The following NIPBL variants were observed in gnomAD, a reference collection of about 807,000 sequenced individuals.
The protein encoded by NIPBL is nipped-B-like protein.
Under a neutral mutation model 321.8 loss-of-function variants are expected in NIPBL, and 19 were observed. The ratio of observed to expected loss-of-function variants is 0.06; its 90% CI spans 0.04 to 0.09. The LOEUF (loss-of-function observed/expected upper bound fraction) is 0.09, where lower values mean the gene tolerates loss of function less well. Among genes scored for constraint, NIPBL ranks in the 10% least tolerant of loss-of-function variants. The pLI is 1.00. For synonymous variants in NIPBL, 1,106 were observed against 1,114.1 expected, an observed-to-expected ratio of 0.99 and a Z score of 0.14; for missense variants, 2,210 against 3,327.0, an observed-to-expected ratio of 0.66 and a Z score of 8.26.
At chr5:36,977,334 T>A (rs1344246250) in intron 9 of NIPBL, among the ~76,000 whole-genome samples, 1 of 152,020 alleles carries the variant, frequency 6.6e-6, no homozygotes, top group Non-Finnish European at 1.5e-5. Context: ...TGGGTAGAGC[T>A]GATTTTTATA....
intron 34 of NIPBL, among the ~76,000 whole-genome samples, chr5:37,041,244 A>G (rs374101461): frequency 2.0e-5 from 1 of 50,078 alleles, no homozygotes; most frequent in African/African-American, 9.1e-5. Flanking sequence ...TTTTGTTGTT[A>G]TGTGGTGGTT....
rs1175081527 is a variant in NIPBL, at chr5:37,002,359, ACT to A, written c.3665-300_3665-299del. On this transcript the variant is annotated intron_variant, in intron 14 of 46. Transcript: ENST00000282516. ...AAACAAAAGCCAGAGGGCATGGGAG[ACT>A]CTTGATGTAGTCCATTCAGGTCAGC... Among the ~76,000 whole-genome samples the A allele has an allele frequency of 2.6e-5, 4 of 152,046 alleles. No homozygotes were observed. The East Asian group carries it at 7.7e-4, about 29-fold the overall frequency.
intron 9 of NIPBL, among the ~76,000 whole-genome samples, chr5:36,983,427 G>T (rs1744370803): frequency 6.6e-6 from 1 of 151,726 alleles, no homozygotes; most frequent in African/African-American, 2.4e-5. Context: ...TATAGAAGAA[G>T]CATTACCATT....
At chr5:37,022,875 A>G (rs1749810458) in intron 29 of NIPBL, among the ~76,000 whole-genome samples, 1 of 152,236 alleles carries the variant, frequency 6.6e-6, no homozygotes, top group African/African-American at 2.4e-5. Context: ...AGTTAAGCCC[A>G]AAAGTCCATT....
chr5:36,977,562 T>A (rs936811166), intron 9 of NIPBL, among the ~76,000 whole-genome samples: 2 of 151,526 alleles, frequency 1.3e-5, no homozygotes, highest in Non-Finnish European at 1.5e-5. Context: ...CTAGAAGTCT[T>A]CATTTTACTG....
intron 1 of NIPBL, among the ~76,000 whole-genome samples, chr5:36,936,571 T>C (rs1226623750): frequency 6.6e-6 from 1 of 152,158 alleles, no homozygotes; most frequent in Non-Finnish European, 1.5e-5. Flanking sequence ...AGAACGTTTG[T>C]CCCTGTCATT....
chr5:36,993,091 A>G (rs1214822835), intron 10 of NIPBL, among the ~76,000 whole-genome samples: 1 of 152,158 alleles, frequency 6.6e-6, no homozygotes, highest in East Asian at 1.9e-4. Flanking sequence ...TCCATTTATA[A>G]AGAGCTTCAT....
Position 36,905,083 on chromosome 5 carries a change from AGGTT to A in NIPBL, c.-80+27930_-80+27933del, listed in dbSNP as rs58066881. On this transcript the variant is annotated intron_variant, in intron 1 of 46. Coordinates refer to ENST00000282516, the MANE Select transcript of NIPBL (RefSeq NM_133433.4). ...AAAAACAAGTACAGGAAGCAAGTTGAGGTTGGTTGGTTGGTTGGTTGGTTGGTTT... is the reference window on the plus strand; with the variant it reads ...AAAAACAAGTACAGGAAGCAAGTTGAGGTTGGTTGGTTGGTTGGTTGGTTT... Among the ~76,000 whole-genome samples the A allele has an allele frequency of 7.6e-3, 1,162 of 152,194 alleles. 11 individuals carry two copies. Among genetic ancestry groups the A allele is most frequent in the Non-Finnish European group, 0.012 (848 of 68,000 alleles).
At position 36,998,002 on chromosome 5, in the gene NIPBL, G is replaced by A. The variant is rs377174821; in HGVS notation, c.3304+2198G>A. ...TGTTGAAGGATAATTTTGAAAGTTG[G>A]GGTACACAGATTTGGATGGCCATAG... On this transcript the variant is annotated intron_variant, in intron 11 of 46. Coordinates refer to ENST00000282516, the MANE Select transcript of NIPBL (RefSeq NM_133433.4). 2.6e-4 allele frequency among the ~76,000 whole-genome samples: 40 copies of A among 152,226 alleles called. 2 individuals are homozygous for A. In the South Asian group the frequency reaches 8.1e-3, roughly 31 times the overall value.
intron 8 of NIPBL, among the ~76,000 whole-genome samples, chr5:36,973,330 T>C (rs931226984): frequency 1.3e-5 from 2 of 152,032 alleles, no homozygotes; most frequent in African/African-American, 4.8e-5. Context: ...TTTCTTTTTT[T>C]TTTTCAAAAA....
intron 1 of NIPBL, among the ~76,000 whole-genome samples, chr5:36,916,282 GTTAC>G (rs1325424130): frequency 2.5e-4 from 38 of 152,268 alleles, no homozygotes; most frequent in East Asian, 3.9e-4. Context: ...TATTTTCACA[GTTAC>G]TTACTAACTT....
At chr5:36,981,313 A>G (rs1022243179) in intron 9 of NIPBL, among the ~76,000 whole-genome samples, 5 of 151,712 alleles carry the variant, frequency 3.3e-5, no homozygotes, top group Non-Finnish European at 5.9e-5. Context: ...ACAAATGTAG[A>G]ATATTTGTGG....
rs185258396 is a variant in NIPBL, at chr5:36,961,683, G to C, written c.458+100G>C. On this transcript the variant is annotated intron_variant, in intron 5 of 46. Coordinates refer to ENST00000282516, the MANE Select transcript of NIPBL (RefSeq NM_133433.4). ...TTTAGGTAATGGTGGATTATTTAGA[G>C]TTTAAATAGTTGAAATACTTAAATA... 1.6e-4 allele frequency: 131 copies of C among 844,270 alleles called. 1 individual carries two copies. In the African/African-American group the frequency reaches 2.2e-3, roughly 14 times the overall value. 52.3% of individuals were successfully genotyped at this position (844,270 alleles called of 1,614,324 possible).
intron 34 of NIPBL, 56 bp from the exon 35 acceptor site, chr5:37,044,291 A>G (rs1225441080): frequency 4.6e-6 from 7 of 1,509,922 alleles, no homozygotes; most frequent in Non-Finnish European, 5.5e-6. Flanking sequence ...GTAAAGCTGT[A>G]TATAGTTTCT....
rs532147851 is a variant in NIPBL at position 37,010,279 on chromosome 5, A to G, written c.4560+54A>G. 38 of 1,326,786 alleles carry G rather than the reference A, an allele frequency of 2.9e-5. No individual in the cohort carries two copies. The Admixed American group carries it at 3.8e-4, about 13-fold the overall frequency. 82.2% of individuals were successfully genotyped at this position (1,326,786 alleles called of 1,614,324 possible). On this transcript the variant is annotated intron_variant, in intron 21 of 46. Coordinates refer to ENST00000282516, the MANE Select transcript of NIPBL (RefSeq NM_133433.4). ...TGTACTTTTATTGAAGGAAATACCT[A>G]TATTCTCTGTCATTCTTATAAAACT...
At chr5:37,047,119 A>G (rs1467555838) in intron 38 of NIPBL, among the ~76,000 whole-genome samples, 1 of 152,228 alleles carries the variant, frequency 6.6e-6, no homozygotes, top group East Asian at 1.9e-4. Flanking sequence ...ACGAGAGGAT[A>G]TGAGTAGATT....
At chr5:36,941,327 T>G (rs951231662) in intron 1 of NIPBL, among the ~76,000 whole-genome samples, 1 of 152,086 alleles carries the variant, frequency 6.6e-6, no homozygotes, top group Admixed American at 6.5e-5. Flanking sequence ...ATATCCCTCT[T>G]TTCTATACCC....
chr5:36,934,247 A>C (rs372750326), intron 1 of NIPBL, among the ~76,000 whole-genome samples: 1 of 152,160 alleles, frequency 6.6e-6, no homozygotes, highest in Admixed American at 6.5e-5. Flanking sequence ...TATTATGGAA[A>C]GATTTCAAAA....
chr5:36,966,381 G>A (rs1439448113), intron 6 of NIPBL, among the ~76,000 whole-genome samples: 1 of 152,012 alleles, frequency 6.6e-6, no homozygotes, highest in African/African-American at 2.4e-5. Flanking sequence ...GTAGAAATTA[G>A]CTTTAAGGTT....
Sources: allele counts gnomAD v4.1 joint callset (sites outside exome capture counted in the v4.1 genomes callset), GRCh38; gene constraint gnomAD v4.1.1; transcripts MANE v1.5; gene names NCBI Gene and HGNC (gene_info 2026-07-23, HGNC 2026-07-21).